The following SMC1A variants were observed in gnomAD, a reference collection of about 807,000 sequenced individuals.
The protein encoded by SMC1A is structural maintenance of chromosomes 1A.
SMC1A carries 4 observed loss-of-function variants against 94.5 expected under a neutral mutation model. The ratio of observed to expected loss-of-function variants is 0.04; its 90% CI spans 0.02 to 0.10. SMC1A has a LOEUF of 0.10. Among genes scored for constraint, SMC1A ranks in the 10% least tolerant of loss-of-function variants. The probability of loss-of-function intolerance (pLI) is 1.00; values close to 1 mark genes in which losing one functional copy is unlikely to be tolerated. For missense variants in SMC1A, 304 were observed against 989.0 expected, an observed-to-expected ratio of 0.31 and a Z score of 9.29; for synonymous variants, 345 against 347.7, an observed-to-expected ratio of 0.99 and a Z score of 0.09.
rs1556888592 is a variant in SMC1A, at chrX:53,399,738, T to C, written c.2421-8A>G. 8.3e-7 allele frequency: 1 copy of C among 1,204,801 alleles called. No homozygotes were observed. Among genetic ancestry groups the C allele is most frequent in the Non-Finnish European group, 1.1e-6 (1 of 890,338 alleles). ...TGATTCTCAAACTCCAAACTGTGTA[T>C]AAAGGTGGGGGGAGAATCACTCATA... is the stretch of plus-strand genomic sequence containing the variant. On this transcript the variant is annotated splice_region_variant and splice_polypyrimidine_tract_variant and intron_variant, in intron 15 of 24. Coordinates refer to ENST00000322213, the MANE Select transcript of SMC1A (RefSeq NM_006306.4).
intron 9 of SMC1A, among the ~76,000 whole-genome samples, chrX:53,408,840 T>TAAAAAAAA (rs1295569888): frequency 7.6e-4 from 51 of 66,992 alleles, no homozygotes; most frequent in East Asian, 9.6e-4. Flanking sequence ...GGTTGAAAAA[T>TAAAAAAAA]AAAAAAAAAA....
At chrX:53,389,842 C>CTTTTTTT (rs1193457348) in intron 19 of SMC1A, among the ~76,000 whole-genome samples, 38 of 55,096 alleles carry the variant, frequency 6.9e-4, no homozygotes, top group African/African-American at 1.4e-3. Flanking sequence ...TCCAGAATTT[C>CTTTTTTT]TTTTTTTTTT....
rs782655517 is a variant in SMC1A, at chrX:53,377,567, C to T, written c.*2536G>A. The stretch of plus-strand genomic sequence containing the variant: ...AAAAGCTTTACAAACGATTCTGATG[C>T]GCAGCCAAGGTTGATAACCACCTGT... On this transcript the variant is annotated 3_prime_UTR_variant, in exon 25 of 25. Transcript: ENST00000322213. 1.8e-5 allele frequency: 2 copies of T among 111,980 alleles called. No homozygotes were observed. Among genetic ancestry groups the T allele is most frequent in the East Asian group, 2.8e-4 (1 of 3,584 alleles). The allele number at this position is 111,980 out of a possible 1,213,427, so 9.2% of individuals were successfully genotyped here.
chrX:53,402,795 G>C (rs1358417878), intron 15 of SMC1A, among the ~76,000 whole-genome samples: 1 of 89,032 alleles, frequency 1.1e-5, no homozygotes, highest in Non-Finnish European at 2.1e-5. Context: ...CGGGAGCCCG[G>C]AAGGTGGAGA....
At chrX:53,389,980 G>A (rs2075621507) in intron 19 of SMC1A, among the ~76,000 whole-genome samples, 1 of 102,015 alleles carries the variant, frequency 9.8e-6, no homozygotes, top group African/African-American at 3.6e-5. Flanking sequence ...CTCTCAAGTA[G>A]CTGGGACTAC....
chrX:53,391,013 AAAAAAAG>A (rs2075627233), intron 19 of SMC1A, among the ~76,000 whole-genome samples: 1 of 103,027 alleles, frequency 9.7e-6, no homozygotes, highest in Non-Finnish European at 2.0e-5. Context: ...AGAAAAAAAA[AAAAAAAG>A]AAGAAAAATG....
intron 1 of SMC1A, among the ~76,000 whole-genome samples, chrX:53,421,081 G>A (rs1213610251): frequency 9.0e-6 from 1 of 110,927 alleles, no homozygotes; most frequent in East Asian, 2.8e-4. Flanking sequence ...TACTAATGCT[G>A]AGGGGACTGA....
At chrX:53,394,154 A>G (rs1185062002) in intron 19 of SMC1A, among the ~76,000 whole-genome samples, 1 of 35,671 alleles carries the variant, frequency 2.8e-5, no homozygotes, top group African/African-American at 2.5e-4. Flanking sequence ...CTCCGTCTCA[A>G]AAAAAAAAAA....
At chrX:53,413,186 G>C (rs781849290) in intron 4 of SMC1A, 46 bp downstream of exon 4, 1 of 1,211,651 alleles carries the variant, frequency 8.3e-7, no homozygotes, top group Non-Finnish European at 1.1e-6. Context: ...TAAGGCACTG[G>C]CTCCATCCTG....
intron 1 of SMC1A, chrX:53,422,161 C>G: frequency 1.2e-6 from 1 of 817,657 alleles, no homozygotes; most frequent in Non-Finnish European, 1.7e-6. Flanking sequence ...GGCGGGGAGC[C>G]GCGCGGCGGA....
intron 1 of SMC1A, among the ~76,000 whole-genome samples, chrX:53,419,440 T>C (rs1314625048): frequency 4.6e-5 from 5 of 108,206 alleles, no homozygotes; most frequent in Admixed American, 2.0e-4. Flanking sequence ...GATGGGAGGG[T>C]TGCTTGAGCC....
At chrX:53,422,331 G>C (rs781983203) in intron 1 of SMC1A, among the ~76,000 whole-genome samples, 161 bp downstream of exon 1, 11 of 112,240 alleles carry the variant, frequency 9.8e-5, no homozygotes, top group African/African-American at 3.2e-4. Flanking sequence ...TAGAGCACCC[G>C]CGCGGGGAGA....
chrX:53,415,758 CAA>C (rs2075729336), intron 1 of SMC1A, among the ~76,000 whole-genome samples: 1 of 99,549 alleles, frequency 1.0e-5, no homozygotes, highest in Non-Finnish European at 2.0e-5. Context: ...CGCTTGAGCT[CAA>C]GAGTTCAAAG....
At chrX:53,418,130 A>G (rs1194754682) in intron 1 of SMC1A, among the ~76,000 whole-genome samples, 1 of 112,461 alleles carries the variant, frequency 8.9e-6, no homozygotes, top group Non-Finnish European at 1.9e-5. Flanking sequence ...TACTTTGTTC[A>G]TTTTAGAATC....
At chrX:53,380,806 A>C in intron 23 of SMC1A, 76 bp from the exon 24 acceptor site, 1 of 756,916 alleles carries the variant, frequency 1.3e-6, no homozygotes, top group Non-Finnish European at 2.1e-6. Flanking sequence ...CACAACCAGA[A>C]GGCAGAAGAG....
intron 22 of SMC1A, chrX:53,381,969 G>A: frequency 2.4e-6 from 1 of 424,504 alleles, no homozygotes; most frequent in Non-Finnish European, 4.1e-6. Flanking sequence ...TTATTAGCCA[G>A]CAACCTCGTG....
chrX:53,413,278 T>C lies in SMC1A; in HGVS notation c.569A>G (p.Lys190Arg). ...EDTQFNYHRKKNIAAERKEAK... is the reference protein window; with the variant it reads ...EDTQFNYHRKRNIAAERKEAK... Reference sequence around the variant, plus strand: ...TTCCTTGCGTTCAGCCGCAATATTTTTCTTGCGATGGTAATTAAACTGTGT... The same window carrying C: ...TTCCTTGCGTTCAGCCGCAATATTTCTCTTGCGATGGTAATTAAACTGTGT... Residue 190 changes from lysine to arginine, a missense_variant, in exon 4 of 25, where the codon AAA becomes AGA. This residue lies in a region of SMC1A where 120 missense variants were observed against 314.9 expected (regional missense o/e 0.38). Coordinates refer to ENST00000322213, the MANE Select transcript of SMC1A (RefSeq NM_006306.4). The C allele has an allele frequency of 8.3e-7, 1 of 1,211,790 alleles. No individual in the cohort carries two copies. The highest frequency in any genetic ancestry group is 1.1e-6 in the Non-Finnish European group (1 of 895,568).
intron 7 of SMC1A, among the ~76,000 whole-genome samples, chrX:53,410,796 C>T (rs782814630): frequency 3.8e-5 from 4 of 104,273 alleles, no homozygotes; most frequent in South Asian, 4.4e-4. Context: ...AGAGAAACTG[C>T]GTCTCAAAAA....
rs2075727100 is a variant in SMC1A, at chrX:53,415,168, A to G, written c.111T>C (p.Gly37=). Residue 37 remains glycine, a splice_region_variant and synonymous_variant, in exon 2 of 25, where the codon GGT becomes GGC. Coordinates refer to ENST00000322213, the MANE Select transcript of SMC1A (RefSeq NM_006306.4). ...TGATGGCATCCATGAGATTTGACTT[A>G]CCTAAGGGAAGAGGGACGAGGCAGT... ...FTAIIGPNGS[G]KSNLMDAISF... is the part of the protein sequence containing the mutation. 8.3e-7 allele frequency: 1 copy of G among 1,206,208 alleles called. No homozygotes were observed. The highest frequency in any genetic ancestry group is 1.1e-6 in the Non-Finnish European group (1 of 890,818).
Sources: allele counts gnomAD v4.1 joint callset (sites outside exome capture counted in the v4.1 genomes callset), GRCh38; gene constraint gnomAD v4.1.1; regional missense constraint gnomAD v4.1.1; transcripts MANE v1.5; gene names NCBI Gene and HGNC (gene_info 2026-07-23, HGNC 2026-07-21).